Variants in KCNJ3 observed in about 807,000 individuals in gnomAD.
KCNJ3 encodes potassium inwardly rectifying channel subfamily J member 3, also known as G protein-activated inward rectifier potassium channel 1.
Under a neutral mutation model 39.2 loss-of-function variants are expected in KCNJ3, and 4 were observed. The ratio of observed to expected loss-of-function variants is 0.10; its 90% CI spans 0.05 to 0.23. The LOEUF (loss-of-function observed/expected upper bound fraction) is 0.23, where lower values mean the gene tolerates loss of function less well. Among genes scored for constraint, KCNJ3 ranks in the 10% least tolerant of loss-of-function variants. The pLI is 1.00. For missense variants in KCNJ3, 276 were observed against 634.9 expected (o/e 0.43, Z 6.08); for synonymous variants, 230 against 237.4 (o/e 0.97, Z 0.29).
intron 2 of KCNJ3, among the ~76,000 whole-genome samples, chr2:154,759,167 A>G (rs1169134503): frequency 1.3e-5 from 2 of 152,196 alleles, no homozygotes; most frequent in Non-Finnish European, 2.9e-5. Flanking sequence ...TGGCTATGAA[A>G]GCACAGGATT....
intron 2 of KCNJ3, among the ~76,000 whole-genome samples, chr2:154,763,474 C>T (rs1034147374): frequency 2.0e-5 from 3 of 151,382 alleles, no homozygotes; most frequent in Non-Finnish European, 4.4e-5. Flanking sequence ...TGAGATAGTG[C>T]TGATCCATGT....
intron 2 of KCNJ3, among the ~76,000 whole-genome samples, chr2:154,758,589 T>C (rs1396678575): frequency 6.6e-6 from 1 of 152,230 alleles, no homozygotes; most frequent in Admixed American, 6.5e-5. Flanking sequence ...AGTAGAGTCA[T>C]GACTATCCAT....
intron 2 of KCNJ3, among the ~76,000 whole-genome samples, chr2:154,737,474 C>T (rs1319234283): frequency 3.3e-5 from 5 of 151,926 alleles, no homozygotes; most frequent in African/African-American, 1.2e-4. Flanking sequence ...TAAAAGTAAC[C>T]GGCATTCAAA....
intron 2 of KCNJ3, among the ~76,000 whole-genome samples, chr2:154,787,574 T>C (rs1047806334): frequency 6.6e-6 from 1 of 152,084 alleles, no homozygotes; most frequent in Admixed American, 6.6e-5. Context: ...CTCTTCTTAT[T>C]CTTTCTGTTT....
At chr2:154,761,211 A>T in intron 2 of KCNJ3, among the ~76,000 whole-genome samples, 1 of 151,358 alleles carries the variant, frequency 6.6e-6, no homozygotes, top group African/African-American at 2.4e-5. Flanking sequence ...TTTAATATGG[A>T]TAGTTGACTT....
intron 2 of KCNJ3, among the ~76,000 whole-genome samples, chr2:154,736,374 TAAAAAAAAAAAAAAAAAAAAAAA>T (rs70983745): frequency 0.5 from 47,067 of 93,620 alleles, 9,507 homozygotes; most frequent in Middle Eastern, 0.58. Context: ...TCACTAGTTC[TAAAAAAAAAAAAAAAAAAAAAAA>T]AAAAAAAAAA....
intron 2 of KCNJ3, among the ~76,000 whole-genome samples, chr2:154,838,956 T>TTTTA (rs1243987141): frequency 6.6e-6 from 1 of 152,154 alleles, no homozygotes; most frequent in Non-Finnish European, 1.5e-5. Context: ...ATGTATTTAT[T>TTTTA]TTTATTATAC....
intron 2 of KCNJ3, among the ~76,000 whole-genome samples, chr2:154,844,561 G>C (rs1449139655): frequency 1.3e-5 from 2 of 152,204 alleles, no homozygotes; most frequent in Non-Finnish European, 2.9e-5. Context: ...CAGAGGTGGA[G>C]TCTAGAGGCA....
At chr2:154,806,856 C>T (rs1686919723) in intron 2 of KCNJ3, among the ~76,000 whole-genome samples, 1 of 152,162 alleles carries the variant, frequency 6.6e-6, no homozygotes, top group African/African-American at 2.4e-5. Flanking sequence ...CTTTAAGTCT[C>T]GCACTGACCT....
intron 2 of KCNJ3, among the ~76,000 whole-genome samples, chr2:154,831,793 AT>A (rs1687368087): frequency 6.6e-6 from 1 of 152,194 alleles, no homozygotes; most frequent in African/African-American, 2.4e-5. Context: ...GCAGGAGCAC[AT>A]CTAGGTGGGG....
At chr2:154,837,374 T>C (rs1687487989) in intron 2 of KCNJ3, among the ~76,000 whole-genome samples, 1 of 147,578 alleles carries the variant, frequency 6.8e-6, no homozygotes, top group Admixed American at 6.9e-5. Context: ...AAAGTCAATT[T>C]TTGAGTTCAT....
chr2:154,766,373 T>C (rs1193690819), intron 2 of KCNJ3, among the ~76,000 whole-genome samples: 1 of 152,152 alleles, frequency 6.6e-6, no homozygotes, highest in East Asian at 1.9e-4. Context: ...CTGTAGAATA[T>C]ATGGCAAGAA....
At chr2:154,815,857 C>T (rs1465580466) in intron 2 of KCNJ3, among the ~76,000 whole-genome samples, 2 of 152,180 alleles carry the variant, frequency 1.3e-5, no homozygotes, top group African/African-American at 2.4e-5. Context: ...TGCTGAAACC[C>T]AGTTCTTCCA....
In KCNJ3 at chr2:154,698,844, C is replaced by T. The variant is rs754609395; in HGVS notation, c.69C>T (p.Gly23=). Reference sequence around the variant, plus strand: ...TGACCACATCGTCCAGCGGCTCGGGCTTGCAGCCCCAGGGGCCAGGCCAGG... The same window carrying T: ...TGACCACATCGTCCAGCGGCTCGGGTTTGCAGCCCCAGGGGCCAGGCCAGG... The part of the protein sequence containing the change: ...QVVTTSSSGS[G]LQPQGPGQDP... The change falls in exon 1 of 3, where the codon GGC becomes GGT. Residue 23 remains glycine (G), a synonymous_variant. Transcript: ENST00000295101. 2.5e-6 allele frequency: 4 copies of T among 1,614,154 alleles called. No individual in the cohort carries two copies. The highest frequency in any genetic ancestry group is 2.5e-6 in the Non-Finnish European group (3 of 1,180,024).
At chr2:154,720,759 T>C (rs1037342426) in intron 2 of KCNJ3, among the ~76,000 whole-genome samples, 2 of 152,120 alleles carry the variant, frequency 1.3e-5, no homozygotes, top group African/African-American at 4.8e-5. Context: ...GTTTGGACCT[T>C]ATGAACTGAA....
chr2:154,848,957 G>C (rs1048501451), intron 2 of KCNJ3, among the ~76,000 whole-genome samples: 11 of 152,200 alleles, frequency 7.2e-5, no homozygotes, highest in African/African-American at 2.7e-4. Context: ...GTAACCAAAA[G>C]TTGACACTTT....
At chr2:154,706,689 A>G (rs912457627) in intron 1 of KCNJ3, among the ~76,000 whole-genome samples, 1 of 152,078 alleles carries the variant, frequency 6.6e-6, no homozygotes, top group East Asian at 1.9e-4. Context: ...CAGAATTAGG[A>G]CAGCCTAGAT....
chr2:154,772,711 G>A (rs1686263207), intron 2 of KCNJ3, among the ~76,000 whole-genome samples: 1 of 152,052 alleles, frequency 6.6e-6, no homozygotes, highest in Non-Finnish European at 1.5e-5. Context: ...AAGATCATCT[G>A]AAGGCTGGGA....
chr2:154,838,349 C>T (rs1280912551), intron 2 of KCNJ3, among the ~76,000 whole-genome samples: 4 of 152,136 alleles, frequency 2.6e-5, no homozygotes, highest in Admixed American at 6.5e-5. Context: ...AAAAGGCTGG[C>T]TCTAAAATTG....
Sources: gnomAD v4.1 joint callset for allele counts (sites outside exome capture counted in the v4.1 genomes callset) on GRCh38, gnomAD v4.1.1 for gene constraint, MANE v1.5 for transcripts, NCBI Gene and HGNC (gene_info 2026-07-23, HGNC 2026-07-21) for gene names.